Variants in PDZRN4 observed in about 807,000 individuals in gnomAD.
PDZRN4 encodes PDZ domain-containing RING finger protein 4.
PDZRN4 carries 70 observed loss-of-function variants against 99.0 expected under a neutral mutation model. The ratio of observed to expected loss-of-function variants is 0.71; its 90% CI spans 0.58 to 0.86. The LOEUF (loss-of-function observed/expected upper bound fraction) is 0.86, where lower values mean the gene tolerates loss of function less well. Ranked by LOEUF, PDZRN4 falls within the 40% of genes least tolerant of loss-of-function variation. The pLI, the probability that PDZRN4 is intolerant of heterozygous loss-of-function variation, is 0.00. For missense variants in PDZRN4, 1,474 were observed against 1,331.2 expected, an observed-to-expected ratio of 1.11 and a Z score of -1.67; for synonymous variants, 551 against 501.6, an observed-to-expected ratio of 1.10 and a Z score of -1.32.
chr12:41,332,804 C>T (rs1951749274), intron 3 of PDZRN4, among the ~76,000 whole-genome samples: 1 of 137,370 alleles, frequency 7.3e-6, no homozygotes, highest in South Asian at 2.3e-4. Flanking sequence ...GGGGGCATAA[C>T]AAAAACAGTT....
At chr12:41,400,038 G>A (rs1187175942) in intron 3 of PDZRN4, among the ~76,000 whole-genome samples, 5 of 152,076 alleles carry the variant, frequency 3.3e-5, no homozygotes, top group Admixed American at 3.3e-4. Context: ...TTAAACTTGG[G>A]CTATTGTGCA....
At chr12:41,484,228 T>C (rs141350071) in intron 3 of PDZRN4, among the ~76,000 whole-genome samples, 1 of 152,296 alleles carries the variant, frequency 6.6e-6, no homozygotes, top group Admixed American at 6.5e-5. Context: ...TATTTGTAAA[T>C]ACTCAAATAA....
chr12:41,222,045 A>G (rs1033273086), intron 3 of PDZRN4, among the ~76,000 whole-genome samples: 3 of 152,122 alleles, frequency 2.0e-5, no homozygotes, highest in Admixed American at 2.0e-4. Flanking sequence ...AATGCTCACA[A>G]ATTATTCCTT....
At chr12:41,381,780 G>T (rs1052086199) in intron 3 of PDZRN4, among the ~76,000 whole-genome samples, 2 of 152,098 alleles carry the variant, frequency 1.3e-5, no homozygotes, top group Non-Finnish European at 2.9e-5. Context: ...TTACTTAGTG[G>T]TATATTGTTT....
At chr12:41,190,967 C>A (rs1042263298) in intron 1 of PDZRN4, among the ~76,000 whole-genome samples, 1 of 152,104 alleles carries the variant, frequency 6.6e-6, no homozygotes, top group African/African-American at 2.4e-5. Flanking sequence ...CTAACAGATC[C>A]TGCATTACAA....
At chr12:41,520,245 T>C (rs1938470872) in intron 5 of PDZRN4, among the ~76,000 whole-genome samples, 1 of 152,138 alleles carries the variant, frequency 6.6e-6, no homozygotes, top group Non-Finnish European at 1.5e-5. Context: ...TAAAAATGCT[T>C]AGATTCTGGC....
chr12:41,451,174 T>TAA (rs34555314), intron 3 of PDZRN4, among the ~76,000 whole-genome samples: 21 of 149,260 alleles, frequency 1.4e-4, no homozygotes, highest in East Asian at 1.2e-3. Flanking sequence ...AATTTAGATT[T>TAA]AAAAAAAAAA....
rs1565616490 is a variant in PDZRN4 at position 41,563,619 on chromosome 12, CGTGCTGCTT to C, written c.1440_1448del (p.Leu481_Val483del). 6.2e-7 allele frequency: 1 copy of C among 1,613,136 alleles called. No individual in the cohort carries two copies. On this transcript the variant is annotated inframe_deletion, in exon 8 of 10. Transcript: ENST00000402685. ...TGTCTAACGATGAGTGTAAGAGAAT[CGTGCTGCTT>C]GTTGCAAGGCCAGAGATTCAGGTCA...
chr12:41,362,017 C>T (rs761481530), intron 3 of PDZRN4, among the ~76,000 whole-genome samples: 8 of 152,038 alleles, frequency 5.3e-5, no homozygotes, highest in Non-Finnish European at 1.0e-4. Context: ...CTACAGTAGG[C>T]ATTTTATCTC....
intron 3 of PDZRN4, among the ~76,000 whole-genome samples, chr12:41,252,193 T>C (rs1271928507): frequency 2.0e-5 from 3 of 152,188 alleles, no homozygotes; most frequent in African/African-American, 7.2e-5. Flanking sequence ...CAATGTCTTA[T>C]AAATACTTTA....
intron 3 of PDZRN4, among the ~76,000 whole-genome samples, chr12:41,265,929 A>G (rs567742524): frequency 2.0e-5 from 3 of 152,318 alleles, no homozygotes; most frequent in African/African-American, 7.2e-5. Context: ...CATAGCTGAA[A>G]ATAAGTTATT....
chr12:41,252,132 A>G (rs974232077), intron 3 of PDZRN4, among the ~76,000 whole-genome samples: 1 of 147,210 alleles, frequency 6.8e-6, no homozygotes, highest in Admixed American at 6.7e-5. Context: ...ATAAATAAAT[A>G]AATAATAAAA....
intron 9 of PDZRN4, among the ~76,000 whole-genome samples, chr12:41,571,584 A>G (rs533954348): frequency 6.6e-6 from 1 of 152,246 alleles, no homozygotes; most frequent in African/African-American, 2.4e-5. Context: ...GAGTAGAAAA[A>G]TCTTATACAA....
intron 3 of PDZRN4, among the ~76,000 whole-genome samples, chr12:41,440,666 G>C (rs898898952): frequency 1.3e-5 from 2 of 152,098 alleles, no homozygotes; most frequent in African/African-American, 4.8e-5. Flanking sequence ...GGCCAATCAG[G>C]CTCCAGTATG....
intron 3 of PDZRN4, among the ~76,000 whole-genome samples, chr12:41,365,735 C>T (rs1951995231): frequency 6.6e-6 from 1 of 152,024 alleles, no homozygotes; most frequent in South Asian, 2.1e-4. Flanking sequence ...CTTTTACATC[C>T]TTCAGATAAG....
chr12:41,435,984 C>A (rs1952625622), intron 3 of PDZRN4, among the ~76,000 whole-genome samples: 1 of 152,122 alleles, frequency 6.6e-6, no homozygotes, highest in Non-Finnish European at 1.5e-5. Flanking sequence ...AAGCATCAGA[C>A]ATTTATGTTT....
At chr12:41,428,861 G>A (rs952025950) in intron 3 of PDZRN4, among the ~76,000 whole-genome samples, 1 of 152,150 alleles carries the variant, frequency 6.6e-6, no homozygotes, top group Admixed American at 6.6e-5. Context: ...AGGAGAGGAT[G>A]AAATGAAGGA....
chr12:41,572,917 G>A lies in PDZRN4; in HGVS notation c.2138G>A (p.Ser713Asn). 1 of 1,614,130 alleles carries A rather than the reference G, an allele frequency of 6.2e-7. No homozygotes were observed. The highest frequency in any genetic ancestry group is 8.5e-7 in the Non-Finnish European group (1 of 1,180,012). ...GGAGGATTCCGGAATTATAACACCA[G>A]CATAGATATGCAAAGGGGAAAGCTA... ...HDGGFRNYNTSIDMQRGKLDD... is the reference protein window; with the variant it reads ...HDGGFRNYNTNIDMQRGKLDD... The change falls in exon 10 of 10, where the codon AGC becomes AAC. Residue 713 changes from serine (S) to asparagine (N), a missense_variant. Ser to Asn is a conservative substitution (Grantham distance 46). Coordinates refer to ENST00000402685, the MANE Select transcript of PDZRN4 (RefSeq NM_001164595.2).
rs540184093 is a variant in PDZRN4, at chr12:41,356,389, A to G, written c.844-150067A>G. On this transcript the variant is annotated intron_variant, in intron 3 of 9. Transcript: ENST00000402685. ...TTTAACATTGGTAGGAGGAAGTGAT[A>G]AAAAATAAAAATAACAATGTTGGAA... Among the ~76,000 whole-genome samples, 6 of 152,200 alleles carry G rather than the reference A, an allele frequency of 3.9e-5. No individual in the cohort carries two copies. The East Asian group carries it at 1.2e-3, about 29-fold the overall frequency.
Sources: allele counts gnomAD v4.1 joint callset (sites outside exome capture counted in the v4.1 genomes callset), GRCh38; gene constraint gnomAD v4.1.1; transcripts MANE v1.5; gene names NCBI Gene and HGNC (gene_info 2026-07-23, HGNC 2026-07-21).